ANK2: variants seen among roughly 807,000 people sequenced by gnomAD.
ANK2 encodes the protein ankyrin 2.
ANK2 carries 83 observed loss-of-function variants against 360.5 expected under a neutral mutation model. That is an observed-to-expected ratio of 0.23 (90% CI 0.19 to 0.28). The LOEUF is 0.28. Among genes scored for constraint, ANK2 ranks in the 10% least tolerant of loss-of-function variants. ANK2 has a pLI of 1.00. For synonymous variants in ANK2, 1,740 were observed against 1,759.5 expected, an observed-to-expected ratio of 0.99 and a Z score of 0.28; for missense variants, 4,201 against 4,795.7, an observed-to-expected ratio of 0.88 and a Z score of 3.66.
At chr4:112,953,342 A>G (rs189692089) in intron 2 of ANK2, among the ~76,000 whole-genome samples, 1 of 152,312 alleles carries the variant, frequency 6.6e-6, no homozygotes, top group East Asian at 1.9e-4. Context: ...TCATGTTTCT[A>G]TTTTGCATAG....
intron 1 of ANK2, among the ~76,000 whole-genome samples, chr4:113,165,979 A>G (rs1319449048): frequency 2.6e-5 from 4 of 152,152 alleles, no homozygotes; most frequent in African/African-American, 2.4e-5. Context: ...AAATATTTTC[A>G]TCTATAAACT....
At chr4:113,366,209 A>G (rs955228270) in intron 41 of ANK2, among the ~76,000 whole-genome samples, 1 of 152,114 alleles carries the variant, frequency 6.6e-6, no homozygotes, top group African/African-American at 2.4e-5. Flanking sequence ...CATTCCCTCT[A>G]GAGCTCTATA....
At chr4:112,992,903 A>G (rs1268407969) in intron 2 of ANK2, among the ~76,000 whole-genome samples, 1 of 152,212 alleles carries the variant, frequency 6.6e-6, no homozygotes, top group Non-Finnish European at 1.5e-5. Flanking sequence ...TGTATCTATA[A>G]TTGCCAAACC....
intron 1 of ANK2, chr4:112,880,423 T>G (rs1025169861): frequency 6.6e-6 from 1 of 152,340 alleles, no homozygotes; most frequent in Admixed American, 6.5e-5. Flanking sequence ...GTATTGGAAC[T>G]AGTAGTACCT....
chr4:113,195,916 G>C (rs1239862666), intron 2 of ANK2, among the ~76,000 whole-genome samples: 1 of 152,184 alleles, frequency 6.6e-6, no homozygotes, highest in Non-Finnish European at 1.5e-5. Context: ...ACTGTTGTCT[G>C]TAAATCCCAG....
At chr4:113,188,228 C>CT (rs896911921) in intron 2 of ANK2, among the ~76,000 whole-genome samples, 37 of 152,268 alleles carry the variant, frequency 2.4e-4, no homozygotes, top group African/African-American at 8.9e-4. Context: ...TGGACAAGTA[C>CT]TAACAAGTAT....
At chr4:113,137,893 G>T (rs1186662093) in intron 1 of ANK2, among the ~76,000 whole-genome samples, 2 of 152,148 alleles carry the variant, frequency 1.3e-5, no homozygotes, top group Non-Finnish European at 1.5e-5. Context: ...GAGGACATAA[G>T]ACCACATTAA....
chr4:113,315,680 C>T (rs547947223), intron 24 of ANK2, among the ~76,000 whole-genome samples: 5 of 152,146 alleles, frequency 3.3e-5, no homozygotes, highest in South Asian at 4.1e-4. Flanking sequence ...GGGCGGATCA[C>T]GAGGTCAGGA....
chr4:112,883,691 C>T (rs1336805639), intron 1 of ANK2, among the ~76,000 whole-genome samples: 2 of 151,882 alleles, frequency 1.3e-5, no homozygotes, highest in Non-Finnish European at 2.9e-5. Context: ...ATAGACTATC[C>T]ATTGGAGATG....
chr4:113,299,756 A>G (rs927000395), intron 22 of ANK2, among the ~76,000 whole-genome samples: 13 of 152,024 alleles, frequency 8.6e-5, no homozygotes, highest in Admixed American at 1.3e-4. Flanking sequence ...GGTAGTCTCT[A>G]TGTTATATTT....
chr4:113,109,301 CTTTTGTTGTT>C (rs1007754990), intron 1 of ANK2, among the ~76,000 whole-genome samples: 4 of 152,116 alleles, frequency 2.6e-5, no homozygotes, highest in African/African-American at 9.7e-5. Flanking sequence ...CTGTTTCTCT[CTTTTGTTGTT>C]TCTGCTGTAC....
the ANK2 span, among the ~76,000 whole-genome samples, chr4:112,740,327 T>A: frequency 1.3e-5 from 2 of 152,114 alleles, no homozygotes; most frequent in Non-Finnish European, 2.9e-5. Flanking sequence ...AACCTCGAAC[T>A]CCTGGGCTCA....
chr4:112,940,852 G>A (rs577872207), intron 2 of ANK2, among the ~76,000 whole-genome samples: 18 of 152,156 alleles, frequency 1.2e-4, no homozygotes, highest in Admixed American at 4.6e-4. Context: ...AAGCACAGCC[G>A]AACAGGGATT....
At chr4:112,790,645 C>T in the ANK2 span, among the ~76,000 whole-genome samples, 6 of 152,004 alleles carry the variant, frequency 3.9e-5, no homozygotes, top group South Asian at 4.1e-4. Context: ...CATGCCACCA[C>T]GCCGGCTAAT....
the ANK2 span, among the ~76,000 whole-genome samples, chr4:112,707,165 T>C: frequency 2.0e-5 from 3 of 152,226 alleles, no homozygotes; most frequent in Admixed American, 2.0e-4. Flanking sequence ...GAATACTATC[T>C]GTGCAGGAAA....
At chr4:113,091,043 A>G (rs764511963) in intron 1 of ANK2, among the ~76,000 whole-genome samples, 1 of 152,206 alleles carries the variant, frequency 6.6e-6, no homozygotes, top group Non-Finnish European at 1.5e-5. Flanking sequence ...GGATGGGTGC[A>G]AAGAGAAATG....
chr4:112,810,215 T>G, the ANK2 span, among the ~76,000 whole-genome samples: 4 of 145,014 alleles, frequency 2.8e-5, no homozygotes, highest in African/African-American at 1.0e-4. Flanking sequence ...TTGGCCAGGC[T>G]GATCTCGAAC....
rs1038544921 is a variant in ANK2, at chr4:113,230,749, A to T, written c.385-1412A>T. On this transcript the variant is annotated intron_variant, in intron 4 of 45. Coordinates refer to ENST00000357077, the MANE Select transcript of ANK2 (RefSeq NM_001148.6). ...GATGAAAAGAAAATTTGCCCATTCA[A>T]ATTTAATTTTAAACTCATGTTATAC... 3.3e-5 allele frequency among the ~76,000 whole-genome samples: 5 copies of T among 152,180 alleles called. No individual in the cohort carries two copies. In the South Asian group the frequency reaches 8.3e-4, roughly 25 times the overall value.
At chr4:113,288,850 TACAG>T (rs1455499183) in intron 20 of ANK2, among the ~76,000 whole-genome samples, 1 of 151,690 alleles carries the variant, frequency 6.6e-6, no homozygotes, top group Non-Finnish European at 1.5e-5. Flanking sequence ...CATGAAGAAA[TACAG>T]ACAGTCAGCC....
Sources: allele counts gnomAD v4.1 joint callset (sites outside exome capture counted in the v4.1 genomes callset), GRCh38; gene constraint gnomAD v4.1.1; transcripts MANE v1.5; gene names NCBI Gene and HGNC (gene_info 2026-07-23, HGNC 2026-07-21).